NRG1: variants seen among roughly 807,000 people sequenced by gnomAD.
NRG1 encodes the protein pro-neuregulin-1, membrane-bound isoform.
Under a neutral mutation model 63.8 loss-of-function variants are expected in NRG1, and 18 were observed. The observed-to-expected ratio is 0.28, with a 90% CI of 0.19 to 0.42. The LOEUF (loss-of-function observed/expected upper bound fraction) is 0.42, where lower values mean the gene tolerates loss of function less well. NRG1 is among the 10% of genes least tolerant of loss of function. The probability of loss-of-function intolerance (pLI) is 1.00; values close to 1 mark genes in which losing one functional copy is unlikely to be tolerated. For missense variants in NRG1, 762 were observed against 814.7 expected, an observed-to-expected ratio of 0.94 and a Z score of 0.79; for synonymous variants, 302 against 301.3, an observed-to-expected ratio of 1.00 and a Z score of -0.02.
At chr8:32,614,189 T>C (rs569491303) in intron 3 of NRG1, among the ~76,000 whole-genome samples, 2 of 152,078 alleles carry the variant, frequency 1.3e-5, no homozygotes, top group Non-Finnish European at 2.9e-5. Flanking sequence ...ACTTTCTTAG[T>C]TCCCCTATTT....
intron 1 of NRG1, among the ~76,000 whole-genome samples, chr8:31,964,215 G>C (rs1805945903): frequency 6.6e-6 from 1 of 152,206 alleles, no homozygotes; most frequent in Non-Finnish European, 1.5e-5. Context: ...CAATAGGGTA[G>C]GATGTGATGA....
intron 5 of NRG1, among the ~76,000 whole-genome samples, chr8:32,667,535 T>C (rs1804515091): frequency 6.6e-6 from 1 of 152,196 alleles, no homozygotes; most frequent in Admixed American, 6.5e-5. Flanking sequence ...AGAATTCCTA[T>C]GGAAACATAC....
intron 1 of NRG1, among the ~76,000 whole-genome samples, chr8:32,009,737 G>C (rs1814427026): frequency 6.6e-6 from 1 of 151,898 alleles, no homozygotes; most frequent in Admixed American, 6.6e-5. Context: ...TTATAGATTT[G>C]CTTAAATGTC....
At chr8:32,773,510 G>A (rs2129067918) in intron 7 of NRG1, among the ~76,000 whole-genome samples, 1 of 152,260 alleles carries the variant, frequency 6.6e-6, no homozygotes, top group African/African-American at 2.4e-5. Flanking sequence ...CACTGATCAA[G>A]CCAGACCTGA....
chr8:32,005,456 C>T (rs1813621895), intron 1 of NRG1, among the ~76,000 whole-genome samples: 1 of 151,898 alleles, frequency 6.6e-6, no homozygotes, highest in South Asian at 2.1e-4. Flanking sequence ...GAAAAAGAGA[C>T]TTGCAGGTGG....
At chr8:31,777,522 G>A (rs906320850) in intron 1 of NRG1, among the ~76,000 whole-genome samples, 1 of 152,218 alleles carries the variant, frequency 6.6e-6, no homozygotes, top group African/African-American at 2.4e-5. Flanking sequence ...ACTAGCCCTT[G>A]TGCCCCCAAA....
intron 1 of NRG1, among the ~76,000 whole-genome samples, chr8:32,016,149 C>A (rs972619762): frequency 2.6e-5 from 4 of 152,124 alleles, no homozygotes; most frequent in African/African-American, 9.7e-5. Context: ...CTTTGAGGGG[C>A]AGGCTGTTTC....
chr8:32,112,084 A>G (rs1223394762), intron 1 of NRG1, among the ~76,000 whole-genome samples: 3 of 152,338 alleles, frequency 2.0e-5, no homozygotes, highest in Admixed American at 6.5e-5. Flanking sequence ...ATGCTGCAGC[A>G]TTAAACTGCT....
At chr8:32,432,659 A>G (rs762578336) in intron 1 of NRG1, among the ~76,000 whole-genome samples, 2 of 151,742 alleles carry the variant, frequency 1.3e-5, no homozygotes, top group Non-Finnish European at 2.9e-5. Flanking sequence ...ACAGGTGTGC[A>G]CTTGTATTTT....
At chr8:32,020,832 T>A (rs1417860556) in intron 1 of NRG1, among the ~76,000 whole-genome samples, 1 of 152,214 alleles carries the variant, frequency 6.6e-6, no homozygotes, top group East Asian at 1.9e-4. Flanking sequence ...ATGCTTTAGT[T>A]TCTATTCATT....
intron 1 of NRG1, among the ~76,000 whole-genome samples, chr8:32,258,301 A>G (rs1849969489): frequency 6.6e-6 from 1 of 152,230 alleles, no homozygotes; most frequent in South Asian, 2.1e-4. Context: ...ACCTTCCCAC[A>G]GTGAATGATA....
chr8:32,727,571 G>A (rs577240112), intron 5 of NRG1, among the ~76,000 whole-genome samples: 2 of 152,252 alleles, frequency 1.3e-5, no homozygotes, highest in Non-Finnish European at 2.9e-5. Context: ...AAAAATAGAT[G>A]TCTAAATTGA....
chr8:32,173,939 A>G (rs1840382438), intron 1 of NRG1, among the ~76,000 whole-genome samples: 1 of 152,204 alleles, frequency 6.6e-6, no homozygotes, highest in Non-Finnish European at 1.5e-5. Flanking sequence ...AACGAGACAG[A>G]AAGTTAACAA....
At chr8:32,760,168 A>G (rs1830433355) in intron 10 of NRG1, 32 bp from the exon 11 acceptor site, 19 of 1,610,830 alleles carry the variant, frequency 1.2e-5, no homozygotes, top group Non-Finnish European at 1.5e-5. Context: ...TTTGCACGAA[A>G]TATCTGATTG....
chr8:32,425,868 A>G (rs1364740330), intron 1 of NRG1, among the ~76,000 whole-genome samples: 1 of 152,188 alleles, frequency 6.6e-6, no homozygotes, highest in Non-Finnish European at 1.5e-5. Flanking sequence ...TATCATCATG[A>G]TGGCATATAG....
At chr8:31,854,912 C>T (rs1458158008) in intron 1 of NRG1, among the ~76,000 whole-genome samples, 1 of 152,070 alleles carries the variant, frequency 6.6e-6, no homozygotes, top group Middle Eastern at 3.2e-3. Flanking sequence ...TTCCATGTAG[C>T]TGAGCGGTTT....
intron 1 of NRG1, among the ~76,000 whole-genome samples, chr8:32,474,756 G>A (rs1459444649): frequency 1.3e-5 from 2 of 151,916 alleles, no homozygotes; most frequent in Non-Finnish European, 2.9e-5. Context: ...TGCCCACCTC[G>A]GCCTCCCAAA....
intron 1 of NRG1, among the ~76,000 whole-genome samples, chr8:32,242,438 C>G (rs566832694): frequency 6.6e-6 from 1 of 152,208 alleles, no homozygotes; most frequent in East Asian, 1.9e-4. Context: ...CGTGCAATTG[C>G]ACTCCAGACT....
At chr8:32,520,618 T>A (rs1200006548) in intron 1 of NRG1, among the ~76,000 whole-genome samples, 1 of 152,246 alleles carries the variant, frequency 6.6e-6, no homozygotes, top group African/African-American at 2.4e-5. Flanking sequence ...TTATGTTGTC[T>A]AAAGTCATAT....
Sources: allele counts gnomAD v4.1 joint callset (sites outside exome capture counted in the v4.1 genomes callset), GRCh38; gene constraint gnomAD v4.1.1; transcripts MANE v1.5; gene names NCBI Gene and HGNC (gene_info 2026-07-23, HGNC 2026-07-21).